WWC2: variants seen among roughly 807,000 people sequenced by gnomAD.
The protein encoded by WWC2 is protein WWC2.
WWC2 carries 101 observed loss-of-function variants against 138.5 expected under a neutral mutation model. The observed-to-expected ratio is 0.73, with a 90% confidence interval of 0.62 to 0.86. WWC2 has a LOEUF of 0.86. Ranked by LOEUF, WWC2 falls within the 40% of genes least tolerant of loss-of-function variation. The pLI is 0.00. For missense variants in WWC2, 1,420 were observed against 1,419.4 expected (o/e 1.00, Z -0.01); for synonymous variants, 558 against 538.4 (o/e 1.04, Z -0.50).
At chr4:183,269,621 C>T (rs1394714530) in intron 15 of WWC2, 1 of 393,502 alleles carries the variant, frequency 2.5e-6, no homozygotes, top group Non-Finnish European at 5.2e-6. Flanking sequence ...ATTCAACGGT[C>T]ATACAACTAG....
intron 7 of WWC2, among the ~76,000 whole-genome samples, 171 bp downstream of exon 7, chr4:183,249,031 A>G (rs10520553): frequency 0.043 from 6,539 of 151,898 alleles, 496 homozygotes; most frequent in African/African-American, 0.15. Context: ...TATCTTTTCT[A>G]TCTAGGTGCC....
At chr4:183,163,143 G>A (rs992195709) in intron 1 of WWC2, among the ~76,000 whole-genome samples, 4 of 152,296 alleles carry the variant, frequency 2.6e-5, no homozygotes, top group East Asian at 1.9e-4. Flanking sequence ...AAGTGGTGAC[G>A]GTAAAAGGAA....
chr4:183,120,866 G>GGAGGA (rs1477309169), intron 1 of WWC2, among the ~76,000 whole-genome samples: 1 of 152,052 alleles, frequency 6.6e-6, no homozygotes, highest in African/African-American at 2.4e-5. Context: ...CTCCTGCATT[G>GGAGGA]GCCTCCCAAA....
chr4:183,289,572 C>T lies in WWC2; in HGVS notation c.3321C>T (p.Asp1107=), dbSNP rs1352910950. 3 of 1,613,954 alleles carry T rather than the reference C, an allele frequency of 1.9e-6. No individual in the cohort carries two copies. Among genetic ancestry groups the T allele is most frequent in the Non-Finnish European group, 2.5e-6 (3 of 1,179,882 alleles). ...LEELKAQGET[D]LPPGVLEDER... is the part of the protein sequence containing the mutation. ...AACTGAAAGCTCAGGGAGAGACTGA[C>T]CTTCCACCAGGCGTGCTGGAGGATG... Residue 1107 remains aspartate (D), a synonymous_variant, in exon 21 of 23, where the codon GAC becomes GAT. Coordinates refer to ENST00000403733, the MANE Select transcript of WWC2 (RefSeq NM_024949.6).
chr4:183,230,679 T>TA (rs1299277216), intron 4 of WWC2, among the ~76,000 whole-genome samples: 1,584 of 142,162 alleles, frequency 0.011, 32 homozygotes, highest in African/African-American at 0.038. Context: ...AAACTCTGTC[T>TA]AAAAAAAAAA....
intron 20 of WWC2, among the ~76,000 whole-genome samples, chr4:183,287,892 G>A (rs555619409): frequency 1.3e-5 from 2 of 152,150 alleles, no homozygotes; most frequent in East Asian, 3.9e-4. Flanking sequence ...GTGATGGTAG[G>A]AGTATTTACC....
At chr4:183,237,519 A>G (rs1208596647) in intron 4 of WWC2, among the ~76,000 whole-genome samples, 1 of 152,168 alleles carries the variant, frequency 6.6e-6, no homozygotes, top group African/African-American at 2.4e-5. Flanking sequence ...AATCCTGTTC[A>G]GGTAGCCTTC....
chr4:183,206,660 C>T (rs1002510136), intron 2 of WWC2, among the ~76,000 whole-genome samples: 2 of 152,206 alleles, frequency 1.3e-5, no homozygotes, highest in South Asian at 2.1e-4. Flanking sequence ...TCAACCCCTT[C>T]CTCTACTGGC....
rs759357224 is a variant in WWC2 at position 183,253,842 on chromosome 4, C to T, written c.1039C>T (p.Leu347=). Residue 347 remains leucine (L), a synonymous_variant, in exon 9 of 23, where the codon CTG becomes TTG. Transcript: ENST00000403733. ...GGATATTGAGAAGGAAAAACTGATG[C>T]TGATTAATGAAAAAGAAGAACTTTT... ...ALDIEKEKLM[L]INEKEELLKE... 1 of 1,613,530 alleles carries T rather than the reference C, an allele frequency of 6.2e-7. No individual in the cohort carries two copies. Among genetic ancestry groups the T allele is most frequent in the East Asian group, 2.2e-5 (1 of 44,860 alleles).
intron 4 of WWC2, among the ~76,000 whole-genome samples, chr4:183,220,701 G>T (rs936428890): frequency 6.6e-6 from 1 of 152,022 alleles, no homozygotes; most frequent in African/African-American, 2.4e-5. Context: ...GGGCGTGGTG[G>T]CGGGCGCCTG....
At chr4:183,196,532 G>A (rs1327900218) in intron 2 of WWC2, among the ~76,000 whole-genome samples, 1 of 152,234 alleles carries the variant, frequency 6.6e-6, no homozygotes, top group African/African-American at 2.4e-5. Flanking sequence ...CCTTCAGACT[G>A]CTGGCTGCCA....
At chr4:183,192,444 G>A (rs1185115759) in intron 1 of WWC2, among the ~76,000 whole-genome samples, 2 of 152,192 alleles carry the variant, frequency 1.3e-5, no homozygotes, top group Non-Finnish European at 2.9e-5. Flanking sequence ...TCTCCAGAAG[G>A]AGAGATTTCG....
chr4:183,299,977 A>G (rs1738773621), intron 21 of WWC2, among the ~76,000 whole-genome samples: 2 of 152,180 alleles, frequency 1.3e-5, no homozygotes, highest in Admixed American at 6.5e-5. Flanking sequence ...TTGTGGCCCA[A>G]AGTCTGTTTT....
intron 21 of WWC2, among the ~76,000 whole-genome samples, chr4:183,292,666 G>A (rs890595024): frequency 1.3e-4 from 19 of 151,826 alleles, no homozygotes; most frequent in African/African-American, 4.6e-4. Flanking sequence ...TATAAGTTCT[G>A]GATGCTTTGT....
At chr4:183,262,061 C>G (rs563221410) in intron 11 of WWC2, among the ~76,000 whole-genome samples, 37 of 152,306 alleles carry the variant, frequency 2.4e-4, no homozygotes, top group African/African-American at 8.9e-4. Flanking sequence ...TACCCTGCCA[C>G]CTTCTGGCCA....
At chr4:183,257,837 A>C (rs1411598261) in intron 9 of WWC2, among the ~76,000 whole-genome samples, 1 of 152,176 alleles carries the variant, frequency 6.6e-6, no homozygotes, top group Non-Finnish European at 1.5e-5. Context: ...GGGACTGGCC[A>C]GGGCACCCTG....
At chr4:183,128,110 G>A (rs185915289) in intron 1 of WWC2, among the ~76,000 whole-genome samples, 1 of 151,862 alleles carries the variant, frequency 6.6e-6, no homozygotes, top group Admixed American at 6.6e-5. Flanking sequence ...GGAGGCTGAG[G>A]CAGGCAGATC....
Position 183,319,882 on chromosome 4 carries a change from C to A in WWC2, c.*4153C>A. 6.2e-7 allele frequency: 1 copy of A among 1,613,920 alleles called. No homozygotes were observed. Among genetic ancestry groups the A allele is most frequent in the Non-Finnish European group, 8.5e-7 (1 of 1,179,864 alleles). On this transcript the variant is annotated 3_prime_UTR_variant, in exon 23 of 23. Coordinates refer to ENST00000403733, the MANE Select transcript of WWC2 (RefSeq NM_024949.6). ...AGGATCAGCAGTCGCCTCTTGAGAT[C>A]TCTCTGACTCTCTCCAATTCTCAAA...
In WWC2 at chr4:183,124,709, C is replaced by T. The variant is rs562472034; in HGVS notation, c.131+25087C>T. On this transcript the variant is annotated intron_variant, in intron 1 of 22. Transcript: ENST00000403733. ...GATTCAAGCAGTTCTCCTGCCTCAG[C>T]CTCCCGAGTAGCTGAGATTACAGGC... is the stretch of plus-strand genomic sequence containing the variant. Among the ~76,000 whole-genome samples the T allele has an allele frequency of 9.9e-5, 15 of 151,846 alleles. No individual in the cohort carries two copies. In the South Asian group the frequency reaches 3.1e-3, roughly 32 times the overall value.
Sources: allele counts gnomAD v4.1 joint callset (sites outside exome capture counted in the v4.1 genomes callset), GRCh38; gene constraint gnomAD v4.1.1; transcripts MANE v1.5; gene names NCBI Gene and HGNC (gene_info 2026-07-23, HGNC 2026-07-21).